The following RXFP1 variants were observed in gnomAD, a reference collection of about 807,000 sequenced individuals.
RXFP1 encodes the protein relaxin family peptide receptor 1.
RXFP1 carries 73 observed loss-of-function variants against 89.8 expected under a neutral mutation model. That is an observed-to-expected ratio of 0.81 (90% confidence interval 0.67 to 0.99). RXFP1 has a LOEUF of 0.99. RXFP1 is among the 50% of genes least tolerant of loss of function. The pLI, the probability that RXFP1 is intolerant of heterozygous loss-of-function variation, is 0.00. For synonymous variants in RXFP1, 277 were observed against 305.5 expected (o/e 0.91, Z 0.97); for missense variants, 793 against 895.5 (o/e 0.89, Z 1.46).
chr4:158,644,281 C>G (rs993845883), intron 14 of RXFP1, among the ~76,000 whole-genome samples: 56 of 152,154 alleles, frequency 3.7e-4, no homozygotes, highest in African/African-American at 1.3e-3. Flanking sequence ...ATCCTGACCT[C>G]GTGATCCACC....
chr4:158,544,393 T>C, intron 1 of RXFP1: 2 of 981,916 alleles, frequency 2.0e-6, no homozygotes, highest in Non-Finnish European at 2.4e-6. Flanking sequence ...AGAATGGACA[T>C]GGTCATAGAG....
At chr4:158,530,441 G>A (rs962565892) in intron 1 of RXFP1, among the ~76,000 whole-genome samples, 3 of 152,104 alleles carry the variant, frequency 2.0e-5, no homozygotes, top group African/African-American at 7.2e-5. Context: ...TATTTTAATG[G>A]TTTTTTCCCA....
At chr4:158,524,858 T>G (rs1742094391) in intron 1 of RXFP1, among the ~76,000 whole-genome samples, 1 of 152,198 alleles carries the variant, frequency 6.6e-6, no homozygotes, top group Admixed American at 6.5e-5. Context: ...ATGTTTTAGA[T>G]AGGCAGGAAA....
At chr4:158,634,784 G>A (rs1768815339) in intron 12 of RXFP1, among the ~76,000 whole-genome samples, 1 of 152,114 alleles carries the variant, frequency 6.6e-6, no homozygotes, top group African/African-American at 2.4e-5. Context: ...TTATTGAAAA[G>A]ACTACTCTTT....
chr4:158,633,031 G>A (rs550838090), intron 11 of RXFP1, among the ~76,000 whole-genome samples: 4 of 152,094 alleles, frequency 2.6e-5, no homozygotes, highest in Admixed American at 6.5e-5. Flanking sequence ...TTAGCCAGGC[G>A]TGGTAGCACA....
At chr4:158,524,371 T>C (rs1741946392) in intron 1 of RXFP1, among the ~76,000 whole-genome samples, 2 of 152,146 alleles carry the variant, frequency 1.3e-5, no homozygotes, top group African/African-American at 4.8e-5. Flanking sequence ...AAAATACCTA[T>C]GCATGCCAGA....
chr4:158,650,436 T>A (rs1001824289), intron 17 of RXFP1, among the ~76,000 whole-genome samples: 3 of 149,018 alleles, frequency 2.0e-5, no homozygotes, highest in Non-Finnish European at 4.5e-5. Context: ...TATATAAATA[T>A]ATATATATAT....
At chr4:158,593,326 G>C in intron 2 of RXFP1, 75 bp from the exon 3 acceptor site, 1 of 813,100 alleles carries the variant, frequency 1.2e-6, no homozygotes, top group Non-Finnish European at 2.0e-6. Flanking sequence ...GTTTTAAAGA[G>C]AGGACCTGTC....
At chr4:158,609,204 G>T (rs1421712180) in intron 6 of RXFP1, among the ~76,000 whole-genome samples, 1 of 152,122 alleles carries the variant, frequency 6.6e-6, no homozygotes, top group African/African-American at 2.4e-5. Flanking sequence ...ATTTTTGAGG[G>T]ACTGTCATTT....
chr4:158,639,398 G>A (rs1769908819), intron 14 of RXFP1, 67 bp downstream of exon 14: 3 of 873,486 alleles, frequency 3.4e-6, no homozygotes, highest in Admixed American at 2.0e-5. Context: ...TTATGATAAT[G>A]CATCCAATCT....
At chr4:158,575,680 C>T (rs1327286061) in intron 2 of RXFP1, among the ~76,000 whole-genome samples, 1 of 152,140 alleles carries the variant, frequency 6.6e-6, no homozygotes, top group Admixed American at 6.5e-5. Context: ...AGACATGACT[C>T]CACCAGCACC....
At chr4:158,548,205 T>A (rs1404337699) in intron 1 of RXFP1, among the ~76,000 whole-genome samples, 1 of 152,254 alleles carries the variant, frequency 6.6e-6, no homozygotes, top group Non-Finnish European at 1.5e-5. Context: ...CATTATGTAA[T>A]GGCCTTCTTT....
At chr4:158,596,387 C>T (rs774637420) in intron 3 of RXFP1, among the ~76,000 whole-genome samples, 9 of 151,750 alleles carry the variant, frequency 5.9e-5, no homozygotes, top group Non-Finnish European at 1.2e-4. Context: ...CCTCAGCCTC[C>T]CGAGTTTGGA....
intron 1 of RXFP1, among the ~76,000 whole-genome samples, chr4:158,556,179 A>G (rs902566388): frequency 6.6e-6 from 1 of 151,918 alleles, no homozygotes; most frequent in Non-Finnish European, 1.5e-5. Context: ...CAAACTGTAC[A>G]TTTGACAAGG....
At chr4:158,635,923 G>T (rs1317907211) in intron 12 of RXFP1, among the ~76,000 whole-genome samples, 5 of 151,780 alleles carry the variant, frequency 3.3e-5, no homozygotes, top group African/African-American at 1.2e-4. Context: ...GGACTTCAAG[G>T]CTCATGCCAT....
chr4:158,647,799 T>G (rs1483454526), intron 16 of RXFP1, among the ~76,000 whole-genome samples: 1 of 152,038 alleles, frequency 6.6e-6, no homozygotes, highest in East Asian at 1.9e-4. Context: ...GGGCCAATCA[T>G]AAGGTCAGGA....
intron 2 of RXFP1, among the ~76,000 whole-genome samples, chr4:158,576,337 G>T (rs1360295978): frequency 2.0e-5 from 3 of 152,018 alleles, no homozygotes; most frequent in Non-Finnish European, 4.4e-5. Context: ...AAAGTGGGAG[G>T]ATTGCTTGAG....
At chr4:158,564,705 C>T (rs146677403) in intron 1 of RXFP1, among the ~76,000 whole-genome samples, 6 of 152,290 alleles carry the variant, frequency 3.9e-5, no homozygotes, top group African/African-American at 7.2e-5. Flanking sequence ...GGTTACACAA[C>T]GAGAGCATGT....
chr4:158,537,640 C>T (rs1311333035), intron 1 of RXFP1, among the ~76,000 whole-genome samples: 1 of 152,180 alleles, frequency 6.6e-6, no homozygotes, highest in Non-Finnish European at 1.5e-5. Context: ...TTCTTCCTTT[C>T]CTTCAACTAA....
Sources: allele counts gnomAD v4.1 joint callset (sites outside exome capture counted in the v4.1 genomes callset), GRCh38; gene constraint gnomAD v4.1.1; transcripts MANE v1.5; gene names NCBI Gene and HGNC (gene_info 2026-07-23, HGNC 2026-07-21).